ZNF654: variants seen among roughly 807,000 people sequenced by gnomAD.
The protein encoded by ZNF654 is melanoma-associated antigen.
ZNF654 carries 19 observed loss-of-function variants against 95.3 expected under a neutral mutation model. The ratio of observed to expected loss-of-function variants is 0.20; its 90% CI spans 0.14 to 0.29. ZNF654 has a LOEUF of 0.29. ZNF654 is among the 10% of genes least tolerant of loss of function. ZNF654 has a pLI of 1.00. For missense variants in ZNF654, 1,046 were observed against 1,341.0 expected (o/e 0.78, Z 3.44); for synonymous variants, 413 against 457.9 (o/e 0.90, Z 1.25).
intron 3 of ZNF654, among the ~76,000 whole-genome samples, chr3:88,124,377 ATATT>A (rs1705957539): frequency 6.6e-6 from 1 of 152,154 alleles, no homozygotes. Context: ...AACTTAGAAG[ATATT>A]TATTTTCATA....
chr3:88,096,133 C>G (rs1312579227), intron 2 of ZNF654, among the ~76,000 whole-genome samples: 1 of 151,720 alleles, frequency 6.6e-6, no homozygotes, highest in Admixed American at 6.6e-5. Flanking sequence ...AGTCAAGATT[C>G]AATTAGGTAA....
chr3:88,112,697 C>G (rs1385810233), intron 2 of ZNF654, among the ~76,000 whole-genome samples: 3 of 151,794 alleles, frequency 2.0e-5, no homozygotes, highest in Non-Finnish European at 4.4e-5. Flanking sequence ...TAATTTTATT[C>G]AACTCTTGTA....
At chr3:88,096,670 AC>A (rs1271570888) in intron 2 of ZNF654, among the ~76,000 whole-genome samples, 2 of 152,006 alleles carry the variant, frequency 1.3e-5, no homozygotes, top group Non-Finnish European at 2.9e-5. Context: ...TATATAATGT[AC>A]CCTTTTAGCG....
chr3:88,095,825 A>G, intron 2 of ZNF654: 1 of 453,226 alleles, frequency 2.2e-6, no homozygotes, highest in Non-Finnish European at 4.2e-6. Flanking sequence ...CAGATTCCCA[A>G]GTATTGTGCT....
At chr3:88,104,429 C>A (rs1364772333) in intron 2 of ZNF654, among the ~76,000 whole-genome samples, 1 of 152,144 alleles carries the variant, frequency 6.6e-6, no homozygotes, top group Non-Finnish European at 1.5e-5. Context: ...GCCATAAACA[C>A]TACATAAATT....
chr3:88,080,986 C>T (rs73146095), intron 1 of ZNF654, among the ~76,000 whole-genome samples: 10,293 of 152,186 alleles, frequency 0.068, 478 homozygotes, highest in Non-Finnish European at 0.1. Context: ...CGTGATCTCA[C>T]GTTGTATTTA....
In ZNF654 at chr3:88,086,265, A is replaced by G; in HGVS notation, c.195A>G (p.Glu65=). The G allele has an allele frequency of 6.5e-7, 1 of 1,533,478 alleles. No individual in the cohort carries two copies. Among genetic ancestry groups the G allele is most frequent in the Non-Finnish European group, 8.7e-7 (1 of 1,146,552 alleles). 95.0% of individuals were successfully genotyped at this position (1,533,478 alleles called of 1,614,324 possible). A position where few individuals can be genotyped will look rare whatever the true frequency, so the allele number is the denominator to read the frequency against. Residue 65 remains glutamate (E), a synonymous_variant, in exon 2 of 9, where the codon GAA becomes GAG. Coordinates refer to ENST00000636215, the MANE Select transcript of ZNF654 (RefSeq NM_001350134.2). ...GATTGCTTCTCTGTCAGGTGGTTGA[A>G]GATTATGCTGGAAGATGGCAGGTCC... ...DYCRRFCQVV[E]DYAGRWQVPL...
Position 88,125,112 on chromosome 3 carries a change from G to A in ZNF654, c.415-1022G>A, listed in dbSNP as rs373540246. Among the ~76,000 whole-genome samples the A allele has an allele frequency of 5.3e-3, 810 of 151,852 alleles. 5 individuals carry two copies. Among genetic ancestry groups the A allele is most frequent in the African/African-American group, 0.017 (696 of 41,422 alleles). Reference sequence around the variant, plus strand: ...CGCCTGTAGTCCCAGCTACTTGGGAGGCTGAGGCAGGAGAATCGCTTGAAC... The same window carrying A: ...CGCCTGTAGTCCCAGCTACTTGGGAAGCTGAGGCAGGAGAATCGCTTGAAC... On this transcript the variant is annotated intron_variant, in intron 3 of 8. Coordinates refer to ENST00000636215, the MANE Select transcript of ZNF654 (RefSeq NM_001350134.2).
At chr3:88,066,371 C>T (rs1057414563) in intron 1 of ZNF654, among the ~76,000 whole-genome samples, 6 of 151,850 alleles carry the variant, frequency 4.0e-5, no homozygotes, top group East Asian at 1.9e-4. Flanking sequence ...CTCAGGAGTT[C>T]GATACCAGCC....
In ZNF654 at chr3:88,142,764, T is replaced by C. The variant is rs1246461908; in HGVS notation, c.*1112T>C. ...GTGATGACTCTGGTCTGAACAGTAATTTTTATATGTAAAAGGAAGTATTTA... is the reference window on the plus strand; with the variant it reads ...GTGATGACTCTGGTCTGAACAGTAACTTTTATATGTAAAAGGAAGTATTTA... On this transcript the variant is annotated 3_prime_UTR_variant, in exon 9 of 9. Transcript: ENST00000636215. The C allele has an allele frequency of 6.6e-6, 1 of 152,332 alleles. No homozygotes were observed. Among genetic ancestry groups the C allele is most frequent in the Non-Finnish European group, 1.5e-5 (1 of 67,796 alleles). 9.4% of individuals were successfully genotyped at this position (152,332 alleles called of 1,614,324 possible). A position where few individuals can be genotyped will look rare whatever the true frequency, so the allele number is the denominator to read the frequency against.
chr3:88,138,959 A>G lies in ZNF654; in HGVS notation c.1290A>G (p.Gln430=). The G allele has an allele frequency of 8.0e-7, 1 of 1,245,828 alleles. No individual in the cohort carries two copies. Among genetic ancestry groups the G allele is most frequent in the Non-Finnish European group, 1.0e-6 (1 of 997,260 alleles). The allele number at this position is 1,245,828 out of a possible 1,614,324, so 77.2% of individuals were successfully genotyped here. The part of the protein sequence containing the change: ...EEYNEGTSSV[Q]NRVRFELLPI... ...ATAATGAAGGCACAAGTAGTGTTCA[A>G]AATCGTGTTCGTTTTGAATTGCTTC... Residue 430 remains glutamine, a synonymous_variant, in exon 8 of 9, where the codon CAA becomes CAG. Coordinates refer to ENST00000636215, the MANE Select transcript of ZNF654 (RefSeq NM_001350134.2).
chr3:88,138,165 G>A (rs917923557), intron 7 of ZNF654, among the ~76,000 whole-genome samples: 2 of 151,976 alleles, frequency 1.3e-5, no homozygotes, highest in Non-Finnish European at 2.9e-5. Flanking sequence ...TTCTTTATGT[G>A]TGCCACATTT....
At chr3:88,120,120 A>G (rs1410069781) in intron 3 of ZNF654, among the ~76,000 whole-genome samples, 3 of 152,090 alleles carry the variant, frequency 2.0e-5, no homozygotes, top group African/African-American at 7.2e-5. Flanking sequence ...ATATATTTTT[A>G]TAATTTTGAG....
chr3:88,113,285 C>T (rs1705202095), intron 3 of ZNF654, 89 bp downstream of exon 3: 1 of 750,618 alleles, frequency 1.3e-6, no homozygotes, highest in Admixed American at 3.3e-5. Flanking sequence ...GTTATTATTG[C>T]TTATAAGTTT....
At chr3:88,113,338 C>T in intron 3 of ZNF654, 142 bp downstream of exon 3, 1 of 477,826 alleles carries the variant, frequency 2.1e-6, no homozygotes, top group Non-Finnish European at 3.6e-6. Flanking sequence ...CCTATTATTA[C>T]TGGCTGATAA....
chr3:88,121,609 TA>T (rs1705772048), intron 3 of ZNF654, among the ~76,000 whole-genome samples: 1 of 152,168 alleles, frequency 6.6e-6, no homozygotes, highest in South Asian at 2.1e-4. Flanking sequence ...TGCCTTTTTG[TA>T]AAGGAAAAAT....
intron 2 of ZNF654, among the ~76,000 whole-genome samples, chr3:88,094,269 C>T (rs1477426531): frequency 2.0e-5 from 3 of 152,058 alleles, no homozygotes; most frequent in Non-Finnish European, 4.4e-5. Context: ...TATTGGCCAT[C>T]GTTAGAAACT....
At chr3:88,091,479 T>C (rs187507515) in intron 2 of ZNF654, among the ~76,000 whole-genome samples, 1 of 152,296 alleles carries the variant, frequency 6.6e-6, no homozygotes, top group Admixed American at 6.5e-5. Context: ...TTCATCTATA[T>C]AATCTTTGTT....
chr3:88,066,296 G>T (rs146227647), intron 1 of ZNF654, among the ~76,000 whole-genome samples: 1 of 152,168 alleles, frequency 6.6e-6, no homozygotes, highest in Admixed American at 6.5e-5. Flanking sequence ...ATCCGTGCCA[G>T]GGTGTGGTGG....
Sources: gnomAD v4.1 joint callset for allele counts (sites outside exome capture counted in the v4.1 genomes callset) on GRCh38, gnomAD v4.1.1 for gene constraint, MANE v1.5 for transcripts, NCBI Gene and HGNC (gene_info 2026-07-23, HGNC 2026-07-21) for gene names.